BLK: variants seen among roughly 807,000 people sequenced by gnomAD.
BLK encodes tyrosine-protein kinase Blk.
BLK carries 64 observed loss-of-function variants against 61.8 expected under a neutral mutation model. That is an observed-to-expected ratio of 1.03 (90% CI 0.85 to 1.27). BLK has a LOEUF of 1.27. Ranked by LOEUF, BLK falls within the 50% of genes most tolerant of loss-of-function variation. BLK has a pLI of 0.00. For synonymous variants in BLK, 351 were observed against 272.0 expected, an observed-to-expected ratio of 1.29 and a Z score of -2.86; for missense variants, 853 against 660.5, an observed-to-expected ratio of 1.29 and a Z score of -3.19.
At position 11,558,015 on chromosome 8, in the gene BLK, A is replaced by G; in HGVS notation, c.1006A>G (p.Arg336Gly). The change falls in exon 10 of 13, where the codon AGG becomes GGG. Residue 336 changes from arginine to glycine, a missense_variant. Coordinates refer to ENST00000259089, the MANE Select transcript of BLK (RefSeq NM_001715.3). ...TGAAGGGAGCAGATTGTCACTCCCA[A>G]GGCTGATTGACATGTCGGCGCAGGT... ...TDEGSRLSLP[R>G]LIDMSAQIAE... is the part of the protein sequence containing the mutation. The G allele has an allele frequency of 1.2e-6, 2 of 1,614,094 alleles. No individual in the cohort carries two copies. The highest frequency in any genetic ancestry group is 3.3e-4 in the Middle Eastern group (2 of 6,062).
At chr8:11,494,660 T>G (rs555845269) in intron 1 of BLK, 69 bp downstream of exon 1, 1 of 152,388 alleles carries the variant, frequency 6.6e-6, no homozygotes, top group South Asian at 2.1e-4. Flanking sequence ...CTGTAAGGCC[T>G]GTAGTGGGGC....
chr8:11,518,084 G>A (rs1799299263), intron 1 of BLK, among the ~76,000 whole-genome samples: 1 of 152,130 alleles, frequency 6.6e-6, no homozygotes, highest in African/African-American at 2.4e-5. Flanking sequence ...AGGCTGGGAG[G>A]GGCGAGAGAG....
At chr8:11,535,147 C>T (rs1203975729) in intron 1 of BLK, among the ~76,000 whole-genome samples, 1 of 150,306 alleles carries the variant, frequency 6.7e-6, no homozygotes, top group Non-Finnish European at 1.5e-5. Context: ...CTCTGCACTC[C>T]AGTCTGGGTG....
chr8:11,533,900 A>G (rs1426857442), intron 1 of BLK, among the ~76,000 whole-genome samples: 1 of 152,258 alleles, frequency 6.6e-6, no homozygotes, highest in Non-Finnish European at 1.5e-5. Context: ...CTGGCAGTAA[A>G]ACTGCAGGCA....
At chr8:11,500,973 C>T (rs998883356) in intron 1 of BLK, among the ~76,000 whole-genome samples, 3 of 152,060 alleles carry the variant, frequency 2.0e-5, no homozygotes, top group Non-Finnish European at 2.9e-5. Flanking sequence ...CTTTGGGAGG[C>T]CAAGGTGGGA....
At chr8:11,512,258 C>T (rs1472811009) in intron 1 of BLK, among the ~76,000 whole-genome samples, 1 of 152,230 alleles carries the variant, frequency 6.6e-6, no homozygotes, top group Admixed American at 6.5e-5. Flanking sequence ...ACTAGTTCTT[C>T]AAGCAGACCT....
chr8:11,556,983 G>T, intron 9 of BLK, 146 bp downstream of exon 9: 1 of 701,898 alleles, frequency 1.4e-6, no homozygotes. Flanking sequence ...AGGGAGGGAT[G>T]GAGGGAGGGG....
chr8:11,547,404 G>A (rs1336959859), intron 3 of BLK, among the ~76,000 whole-genome samples: 1 of 152,210 alleles, frequency 6.6e-6, no homozygotes, highest in Non-Finnish European at 1.5e-5. Flanking sequence ...GCTGTGCAGA[G>A]AGCCTGCGTC....
chr8:11,554,931 A>G, intron 7 of BLK, 42 bp downstream of exon 7: 3 of 1,603,906 alleles, frequency 1.9e-6, no homozygotes, highest in South Asian at 2.2e-5. Flanking sequence ...TTGTGCCAAG[A>G]GCCCCTGGAT....
chr8:11,520,104 A>G (rs1799381819), intron 1 of BLK, among the ~76,000 whole-genome samples: 1 of 152,238 alleles, frequency 6.6e-6, no homozygotes, highest in African/African-American at 2.4e-5. Context: ...TACTTCTATA[A>G]AACAAGCTAT....
intron 10 of BLK, chr8:11,558,469 C>A: frequency 2.8e-6 from 1 of 362,006 alleles, no homozygotes; most frequent in Admixed American, 3.7e-5. Context: ...CCCAGGGGCC[C>A]TCAGCCTTTG....
intron 1 of BLK, among the ~76,000 whole-genome samples, chr8:11,494,888 G>T (rs137899252): frequency 1.4e-3 from 218 of 152,356 alleles, no homozygotes; most frequent in African/African-American, 5.0e-3. Context: ...GTAGAGAGGG[G>T]GTTGAGCGGG....
chr8:11,548,021 G>C lies in BLK; in HGVS notation c.176-11G>C, dbSNP rs1209552223. 1.9e-6 allele frequency: 3 copies of C among 1,613,082 alleles called. No individual in the cohort carries two copies. Among genetic ancestry groups the C allele is most frequent in the African/African-American group, 2.7e-5 (2 of 74,890 alleles). ...CCTGAGTGGTGGTCATCTCTCCCTT[G>C]TTCATTTTAGACAAGCATTTCGTGG... On this transcript the variant is annotated splice_polypyrimidine_tract_variant and intron_variant, in intron 3 of 12. Coordinates refer to ENST00000259089, the MANE Select transcript of BLK (RefSeq NM_001715.3).
intron 1 of BLK, among the ~76,000 whole-genome samples, chr8:11,533,282 A>C (rs995130498): frequency 4.6e-5 from 7 of 152,110 alleles, no homozygotes; most frequent in Admixed American, 4.6e-4. Context: ...CTCATGTTTG[A>C]AAGCATAAAA....
intron 1 of BLK, among the ~76,000 whole-genome samples, chr8:11,495,969 A>C (rs1412169698): frequency 6.6e-6 from 1 of 152,252 alleles, no homozygotes; most frequent in African/African-American, 2.4e-5. Context: ...GTTAAAAAAA[A>C]TTAGACTCAT....
chr8:11,530,033 G>C (rs1799823801), intron 1 of BLK, among the ~76,000 whole-genome samples: 2 of 152,014 alleles, frequency 1.3e-5, no homozygotes, highest in African/African-American at 4.8e-5. Context: ...TCTCTCTCCA[G>C]TTTATTTTTA....
chr8:11,536,596 C>T (rs149457873), intron 1 of BLK, among the ~76,000 whole-genome samples: 4,563 of 152,048 alleles, frequency 0.03, 119 homozygotes, highest in Non-Finnish European at 0.048. Context: ...GTGGTAGAGA[C>T]GGGGTTTCAC....
At chr8:11,558,219 G>A (rs1585417418) in intron 10 of BLK, among the ~76,000 whole-genome samples, 181 bp downstream of exon 10, 1 of 152,194 alleles carries the variant, frequency 6.6e-6, no homozygotes, top group African/African-American at 2.4e-5. Context: ...TGCAAACCCT[G>A]GCCACTGTGC....
intron 1 of BLK, among the ~76,000 whole-genome samples, chr8:11,503,949 C>T (rs1309794227): frequency 2.0e-5 from 3 of 152,150 alleles, no homozygotes; most frequent in South Asian, 2.1e-4. Context: ...CAGAGAGGCT[C>T]CTGGCCGGGA....
Sources: allele counts gnomAD v4.1 joint callset (sites outside exome capture counted in the v4.1 genomes callset), GRCh38; gene constraint gnomAD v4.1.1; transcripts MANE v1.5; gene names NCBI Gene and HGNC (gene_info 2026-07-23, HGNC 2026-07-21).